Variants in CAPN9 observed in about 807,000 individuals in gnomAD.
The protein encoded by CAPN9 is calpain-9.
Under a neutral mutation model 92.8 loss-of-function variants are expected in CAPN9, and 81 were observed. That is an observed-to-expected ratio of 0.87 (90% confidence interval 0.73 to 1.05). The LOEUF (loss-of-function observed/expected upper bound fraction) is 1.05, where lower values mean the gene tolerates loss of function less well. Among genes scored for constraint, CAPN9 ranks in the 50% least tolerant of loss-of-function variants. The pLI, the probability that CAPN9 is intolerant of heterozygous loss-of-function variation, is 0.00. For synonymous variants in CAPN9, 304 were observed against 328.0 expected (o/e 0.93, Z 0.79); for missense variants, 848 against 866.2 (o/e 0.98, Z 0.26).
Position 230,754,308 on chromosome 1 carries a change from A to T in CAPN9, c.214-1029A>T, listed in dbSNP as rs1451975679. ...GATTGCTTTCTACACTTTTTTGTTC[A>T]TGTTTTATAAATACCCCTCCATATT... On this transcript the variant is annotated intron_variant, in intron 1 of 19. Transcript: ENST00000271971. Among the ~76,000 whole-genome samples the T allele has an allele frequency of 2.6e-5, 4 of 151,030 alleles. No individual in the cohort carries two copies. The East Asian group carries it at 7.9e-4, about 30-fold the overall frequency.
At chr1:230,789,471 A>C in intron 13 of CAPN9, among the ~76,000 whole-genome samples, 1 of 93,038 alleles carries the variant, frequency 1.1e-5, no homozygotes, top group Non-Finnish European at 2.0e-5. Context: ...AAGACCCTGT[A>C]TCAAAAAAAA....
chr1:230,795,987 A>C (rs1015974239), intron 18 of CAPN9, among the ~76,000 whole-genome samples: 1 of 151,254 alleles, frequency 6.6e-6, no homozygotes, highest in Non-Finnish European at 1.5e-5. Context: ...GGTATTTTCT[A>C]ATCTATGTTC....
intron 1 of CAPN9, among the ~76,000 whole-genome samples, chr1:230,751,286 A>T (rs1664747287): frequency 6.6e-6 from 1 of 152,146 alleles, no homozygotes; most frequent in South Asian, 2.1e-4. Context: ...CATGGCCTCC[A>T]CAGTGCTGGG....
chr1:230,792,277 T>C (rs1668041117), intron 15 of CAPN9, 149 bp from the exon 16 acceptor site: 2 of 666,280 alleles, frequency 3.0e-6, no homozygotes, highest in Admixed American at 5.3e-5. Flanking sequence ...ATTTGTGGTT[T>C]AATCATTAAA....
intron 11 of CAPN9, 80 bp from the exon 12 acceptor site, chr1:230,785,901 G>A: frequency 7.3e-7 from 1 of 1,364,000 alleles, no homozygotes; most frequent in Middle Eastern, 1.8e-4. Flanking sequence ...AACCTTCCCA[G>A]GCTCTGGGCT....
chr1:230,774,482 G>T, intron 7 of CAPN9, 72 bp from the exon 8 acceptor site: 1 of 986,820 alleles, frequency 1.0e-6, no homozygotes, highest in East Asian at 2.4e-5. Context: ...CGCACACTGT[G>T]GGTTCCACAT....
intron 18 of CAPN9, among the ~76,000 whole-genome samples, chr1:230,796,946 G>A (rs1376876478): frequency 3.3e-5 from 5 of 152,268 alleles, no homozygotes; most frequent in African/African-American, 9.6e-5. Context: ...TACCAAGGAT[G>A]GAGCTTTGCT....
chr1:230,797,504 G>A (rs1205514380), intron 18 of CAPN9, among the ~76,000 whole-genome samples: 2 of 152,134 alleles, frequency 1.3e-5, no homozygotes, highest in Non-Finnish European at 2.9e-5. Context: ...TTGGTTGTTG[G>A]GTCTCTTCCA....
Position 230,794,837 on chromosome 1 carries a change from C to T in CAPN9, c.1871-326C>T, listed in dbSNP as rs183736272. 2.0e-5 allele frequency among the ~76,000 whole-genome samples: 3 copies of T among 152,318 alleles called. No individual in the cohort carries two copies. In the East Asian group the frequency reaches 5.8e-4, roughly 29 times the overall value. ...TGTTAAGTTCCCCCAAACAAAGCTT[C>T]CTGTAAAGTCAGCGAGACTCTATGG... On this transcript the variant is annotated intron_variant, in intron 17 of 19. Transcript: ENST00000271971.
intron 6 of CAPN9, among the ~76,000 whole-genome samples, chr1:230,769,985 A>G (rs1666281912): frequency 6.6e-6 from 1 of 152,218 alleles, no homozygotes; most frequent in African/African-American, 2.4e-5. Flanking sequence ...TACGTTATCG[A>G]TAAGACTTCT....
Position 230,772,088 on chromosome 1 carries a change from G to T in CAPN9, c.864G>T (p.Ser288=), listed in dbSNP as rs35822261. 1 of 1,614,140 alleles carries T rather than the reference G, an allele frequency of 6.2e-7. No individual in the cohort carries two copies. Among genetic ancestry groups the T allele is most frequent in the Admixed American group, 1.7e-5 (1 of 60,038 alleles). The stretch of plus-strand genomic sequence containing the variant: ...GGGGCCAGGTTGAGTGGAACGGGTC[G>T]TGGAGCGACAGGTCAGTCACCCTAT... ...NPWGQVEWNG[S]WSDSSPEWRS... Residue 288 remains serine, a synonymous_variant, in exon 7 of 20, where the codon TCG becomes TCT. Transcript: ENST00000271971.
chr1:230,780,894 T>A (rs1273112298), intron 11 of CAPN9, among the ~76,000 whole-genome samples, 186 bp downstream of exon 11: 1 of 151,972 alleles, frequency 6.6e-6, no homozygotes, highest in Non-Finnish European at 1.5e-5. Context: ...AAATGAAGTT[T>A]CACTCTTGTT....
intron 13 of CAPN9, among the ~76,000 whole-genome samples, chr1:230,788,407 G>C (rs1477762339): frequency 6.6e-6 from 1 of 152,178 alleles, no homozygotes; most frequent in African/African-American, 2.4e-5. Flanking sequence ...GGGGTCAGGG[G>C]AGGGAAGTCT....
intron 1 of CAPN9, among the ~76,000 whole-genome samples, chr1:230,753,611 C>T (rs1452162790): frequency 6.6e-6 from 1 of 152,306 alleles, no homozygotes; most frequent in African/African-American, 2.4e-5. Flanking sequence ...GGGAAGGCGG[C>T]GCAGCTTGAG....
intron 6 of CAPN9, among the ~76,000 whole-genome samples, chr1:230,769,742 A>T (rs917344132): frequency 3.3e-5 from 5 of 151,728 alleles, no homozygotes; most frequent in African/African-American, 1.2e-4. Context: ...ATTTTCTTCC[A>T]TCTCTACCAC....
intron 12 of CAPN9, 66 bp from the exon 13 acceptor site, chr1:230,787,456 C>T: frequency 2.1e-6 from 3 of 1,415,208 alleles, no homozygotes; most frequent in Non-Finnish European, 3.0e-6. Flanking sequence ...GGCTTCTTTC[C>T]TGCTATTTTT....
chr1:230,778,948 A>T (rs779010670), intron 8 of CAPN9, 25 bp from the exon 9 acceptor site: 1 of 1,605,256 alleles, frequency 6.2e-7, no homozygotes, highest in Non-Finnish European at 8.5e-7. Context: ...CCTCCTGTGC[A>T]TCGTGTCTCT....
chr1:230,748,638 CAGA>C (rs1238720303), intron 1 of CAPN9, among the ~76,000 whole-genome samples: 11 of 152,160 alleles, frequency 7.2e-5, no homozygotes, highest in African/African-American at 2.2e-4. Context: ...GTCTAGCACA[CAGA>C]AGGTTTCCAG....
chr1:230,785,265 A>G (rs1467864451), intron 11 of CAPN9, among the ~76,000 whole-genome samples: 1 of 152,186 alleles, frequency 6.6e-6, no homozygotes, highest in Non-Finnish European at 1.5e-5. Context: ...ATTTTGAGTT[A>G]ATGCTGGAAT....
Sources: allele counts gnomAD v4.1 joint callset (sites outside exome capture counted in the v4.1 genomes callset), GRCh38; gene constraint gnomAD v4.1.1; transcripts MANE v1.5; gene names NCBI Gene and HGNC (gene_info 2026-07-23, HGNC 2026-07-21).